The following MYO19 variants were observed in gnomAD, a reference collection of about 807,000 sequenced individuals.
MYO19 encodes the protein unconventional myosin-XIX.
MYO19 carries 132 observed loss-of-function variants against 129.2 expected under a neutral mutation model. That is an observed-to-expected ratio of 1.02 (90% CI 0.89 to 1.18). The LOEUF is 1.18. Ranked by LOEUF, MYO19 falls within the 50% of genes most tolerant of loss-of-function variation. The probability of loss-of-function intolerance (pLI) is 0.00; values close to 1 mark genes in which losing one functional copy is unlikely to be tolerated. For missense variants in MYO19, 1,210 were observed against 1,216.7 expected (o/e 0.99, Z 0.08); for synonymous variants, 531 against 477.2 (o/e 1.11, Z -1.47).
chr17:36,501,133 G>A lies in MYO19; in HGVS notation c.2183C>T (p.Ser728Leu), dbSNP rs749728162. ...LTQAAAITGD[S>L]AEAMPAPMHC... ...CATGGGGGCTGGCATGGCCTCAGCC[G>A]AGTCACCAGTTATGGCTGCTGCCTG... The change falls in exon 22 of 26, where the codon TCG (serine) becomes TTG (leucine). Residue 728 changes from serine (S) to leucine (L), a missense_variant. Physicochemically the swap from Ser to Leu is moderately radical, Grantham distance 145 (BLOSUM62 -2). Transcript: ENST00000614623. 4.8e-5 allele frequency: 78 copies of A among 1,613,948 alleles called. No individual in the cohort carries two copies. In the South Asian group the frequency reaches 7.6e-4, roughly 16 times the overall value.
chr17:36,506,793 C>A, intron 17 of MYO19, 170 bp downstream of exon 17: 1 of 1,085,964 alleles, frequency 9.2e-7, no homozygotes, highest in Non-Finnish European at 1.3e-6. Context: ...CCAGGCAGGT[C>A]ATGCTTGATT....
chr17:36,521,389 G>C (rs1426057483), intron 6 of MYO19, among the ~76,000 whole-genome samples: 2 of 151,884 alleles, frequency 1.3e-5, no homozygotes, highest in Non-Finnish European at 2.9e-5. Flanking sequence ...ACAAATATTC[G>C]AAGTTCCAAA....
At chr17:36,510,685 C>A in intron 13 of MYO19, 61 bp downstream of exon 13, 1 of 1,510,402 alleles carries the variant, frequency 6.6e-7, no homozygotes, top group Non-Finnish European at 8.9e-7. Flanking sequence ...CTGGCCCAAC[C>A]CCGGACAGGA....
rs2072709770 is a variant in MYO19 at position 36,515,847 on chromosome 17, C to A, written c.547+11G>T. 1 of 1,608,512 alleles carries A rather than the reference C, an allele frequency of 6.2e-7. No individual in the cohort carries two copies. The highest frequency in any genetic ancestry group is 8.5e-7 in the Non-Finnish European group (1 of 1,175,704). ...GGGACTGAGATACTGTGCAAAGGAG[C>A]CCAAGCTCACCAAAAGCTTCCATGA... On this transcript the variant is annotated intron_variant, in intron 7 of 25. Transcript: ENST00000614623.
chr17:36,502,251 CAT>C (rs950662392), intron 21 of MYO19, among the ~76,000 whole-genome samples: 1 of 152,158 alleles, frequency 6.6e-6, no homozygotes, highest in African/African-American at 2.4e-5. Flanking sequence ...CGACAACCCC[CAT>C]ATGAGGGCCT....
upstream of MYO19, among the ~76,000 whole-genome samples, chr17:36,536,468 C>A (rs1259049608): frequency 6.6e-6 from 1 of 152,038 alleles, no homozygotes; most frequent in African/African-American, 2.4e-5. Flanking sequence ...GCCTATGATG[C>A]CATTCTCAGA....
At position 36,510,800 on chromosome 17, in the gene MYO19, G is replaced by A; in HGVS notation, c.1103C>T (p.Ala368Val). 6.2e-7 allele frequency: 1 copy of A among 1,603,290 alleles called. No individual in the cohort carries two copies. Among genetic ancestry groups the A allele is most frequent in the Non-Finnish European group, 8.5e-7 (1 of 1,175,094 alleles). The change falls in exon 13 of 26, where the codon GCC (alanine) becomes GTC (valine). Residue 368 changes from alanine (A) to valine (V), a missense_variant. By Grantham distance (64) the Ala-to-Val change is moderately conservative. Coordinates refer to ENST00000614623, the MANE Select transcript of MYO19 (RefSeq NM_001163735.2). Reference protein sequence around the residue: ...RQQQVFRKPCARAECDTRRDC... With the variant: ...RQQQVFRKPCVRAECDTRRDC... ...TCTACGGGTGTCACACTCGGCTCGG[G>A]CGCAGGGCTTCCGGAACACCTGCTG...
chr17:36,541,169 TCTC>T (rs2074196138), intron 2 of MYO19, among the ~76,000 whole-genome samples: 1 of 151,762 alleles, frequency 6.6e-6, no homozygotes, highest in Non-Finnish European at 1.5e-5. Flanking sequence ...ATGGTCTGGA[TCTC>T]CTGACCTCGT....
At chr17:36,528,314 C>T (rs2073613045) in intron 3 of MYO19, 112 bp from the exon 4 acceptor site, 6 of 1,155,944 alleles carry the variant, frequency 5.2e-6, no homozygotes, top group South Asian at 1.6e-5. Context: ...CGAGACCATC[C>T]TGGTTAACAC....
intron 23 of MYO19, chr17:36,500,556 G>A (rs1210563063): frequency 4.6e-6 from 2 of 435,532 alleles, no homozygotes; most frequent in South Asian, 6.3e-5. Flanking sequence ...CAGCTGTCAG[G>A]GTCTGAGAAA....
rs1160932522 is a variant in MYO19 at position 36,499,156 on chromosome 17, A to G, written c.2382T>C (p.Ile794=). Residue 794 remains isoleucine, a synonymous_variant, in exon 24 of 26, where the codon ATT becomes ATC. Coordinates refer to ENST00000614623, the MANE Select transcript of MYO19 (RefSeq NM_001163735.2). ...WRAVMLIQAA[I]RSWLTRKHIQ... The stretch of plus-strand genomic sequence containing the variant: ...TGTGTTTCCGAGTTAACCAGGAACG[A>G]ATGGCTAAGAGGTTTGCCCAGAAAC... 7.5e-6 allele frequency: 12 copies of G among 1,603,278 alleles called. No homozygotes were observed. The highest frequency in any genetic ancestry group is 1.3e-5 in the African/African-American group (1 of 74,826).
chr17:36,532,661 T>C lies in MYO19; in HGVS notation c.-123A>G. 8.5e-7 allele frequency: 1 copy of C among 1,182,994 alleles called. No individual in the cohort carries two copies. The highest frequency in any genetic ancestry group is 1.3e-5 in the South Asian group (1 of 75,998). 73.3% of individuals were successfully genotyped at this position (1,182,994 alleles called of 1,614,324 possible). ...CAAAGGGCTCAGTTCTGGAGGAATC[T>C]CAGACAAGTCACTCCAGCGCCTGTG... On this transcript the variant is annotated 5_prime_UTR_variant, in exon 3 of 26. Transcript: ENST00000614623.
chr17:36,542,383 A>G (rs535730056), intron 1 of MYO19: 4 of 152,304 alleles, frequency 2.6e-5, no homozygotes, highest in African/African-American at 4.8e-5. Context: ...AATGTTCTTT[A>G]CCAACCAGAA....
In MYO19 at chr17:36,514,823, G is replaced by T. The variant is rs180928666; in HGVS notation, c.618-275C>A. On this transcript the variant is annotated intron_variant, in intron 8 of 25. Transcript: ENST00000614623. ...TCGAAGTCTCAGCCTCAAGCTCAGG[G>T]ATATGGTCCAAAGAGGTGGCAATTT... 2.6e-5 allele frequency among the ~76,000 whole-genome samples: 4 copies of T among 152,188 alleles called. No homozygotes were observed. In the East Asian group the frequency reaches 7.7e-4, roughly 29 times the overall value.
intron 6 of MYO19, among the ~76,000 whole-genome samples, chr17:36,518,622 C>T (rs2072953401): frequency 7.4e-6 from 1 of 135,560 alleles, no homozygotes; most frequent in Non-Finnish European, 1.5e-5. Flanking sequence ...ATATATATGT[C>T]TCCTTAGAAG....
At position 36,498,254 on chromosome 17, in the gene MYO19, C is replaced by A; in HGVS notation, c.2757+12G>T. On this transcript the variant is annotated intron_variant, in intron 25 of 25. Coordinates refer to ENST00000614623, the MANE Select transcript of MYO19 (RefSeq NM_001163735.2). ...AGGAACAAAGCTGTCATGGCCATCA[C>A]ACACAACGTACCTGAGGCAGCGCTC... 6.2e-7 allele frequency: 1 copy of A among 1,602,578 alleles called. No individual in the cohort carries two copies.
intron 6 of MYO19, among the ~76,000 whole-genome samples, chr17:36,522,336 C>G (rs1458181527): frequency 2.7e-5 from 4 of 150,420 alleles, no homozygotes; most frequent in Non-Finnish European, 4.4e-5. Flanking sequence ...GATGAAACTC[C>G]GTCTCTACTA....
In MYO19 at chr17:36,499,128, G is replaced by C; in HGVS notation, c.2410C>G (p.Gln804Glu). ...IRSWLTRKHI[Q>E]RLHAAATVIK... is the part of the protein sequence containing the mutation. ...ACTGTGGCAGCTGCATGCAGCCTCT[G>C]GATGTGTTTCCGAGTTAACCAGGAA... Residue 804 changes from glutamine to glutamate, a missense_variant, in exon 24 of 26, where the codon CAG (glutamine) becomes GAG (glutamate). Coordinates refer to ENST00000614623, the MANE Select transcript of MYO19 (RefSeq NM_001163735.2). 6.2e-7 allele frequency: 1 copy of C among 1,609,834 alleles called. No individual in the cohort carries two copies. The highest frequency in any genetic ancestry group is 8.5e-7 in the Non-Finnish European group (1 of 1,178,010).
Position 36,507,476 on chromosome 17 carries a change from T to C in MYO19, c.1390A>G (p.Ile464Val), listed in dbSNP as rs752895596. 1.2e-6 allele frequency: 2 copies of C among 1,613,716 alleles called. No homozygotes were observed. The highest frequency in any genetic ancestry group is 2.2e-5 in the East Asian group (1 of 44,854). ...CAGGGCTGGTTGTCCTGGTAGTTGA[T>C]GAATGACCACTCCAGGCCCTCAACT... ...YAVEGLEWSF[I>V]NYQDNQPCLD... Residue 464 changes from isoleucine to valine, a missense_variant, in exon 16 of 26, where the codon ATC becomes GTC. By Grantham distance (29) the Ile-to-Val change is conservative. Coordinates refer to ENST00000614623, the MANE Select transcript of MYO19 (RefSeq NM_001163735.2).
Sources: gnomAD v4.1 joint callset for allele counts (sites outside exome capture counted in the v4.1 genomes callset) on GRCh38, gnomAD v4.1.1 for gene constraint, MANE v1.5 for transcripts, NCBI Gene and HGNC (gene_info 2026-07-23, HGNC 2026-07-21) for gene names.